TBCD: variants seen among roughly 807,000 people sequenced by gnomAD.
TBCD encodes the protein tubulin-specific chaperone D.
In TBCD, 105 loss-of-function variants were observed where a neutral mutation model predicts 169.3. That is an observed-to-expected ratio of 0.62 (90% CI 0.53 to 0.73). The LOEUF is 0.73. Among genes scored for constraint, TBCD ranks in the 30% least tolerant of loss-of-function variants. TBCD has a pLI of 0.00. For synonymous variants in TBCD, 700 were observed against 643.9 expected (o/e 1.09, Z -1.32); for missense variants, 1,444 against 1,600.1 (o/e 0.90, Z 1.66).
chr17:82,879,156 C>T (rs2058183699), intron 14 of TBCD, among the ~76,000 whole-genome samples: 1 of 149,566 alleles, frequency 6.7e-6, no homozygotes, highest in African/African-American at 2.5e-5. Context: ...CCTGCCCCAG[C>T]CCTAGCATCC....
chr17:82,807,791 A>G (rs1457220207), intron 11 of TBCD, 123 bp downstream of exon 11: 4 of 644,932 alleles, frequency 6.2e-6, no homozygotes, highest in African/African-American at 1.9e-5. Context: ...GCCCCCTCCA[A>G]CTTATGTGTG....
intron 14 of TBCD, chr17:82,876,878 AGGGAGCC>A: frequency 5.6e-6 from 4 of 708,678 alleles, no homozygotes; most frequent in Non-Finnish European, 6.9e-6. Context: ...CTGCCGGGAG[AGGGAGCC>A]GGGAGTGCCT....
At position 82,789,442 on chromosome 17, in the gene TBCD, AC is replaced by A. The variant is rs1268320673; in HGVS notation, c.771+7723del. On this transcript the variant is annotated intron_variant, in intron 7 of 38. Transcript: ENST00000355528. This position sits in a 1 kb window ranked among gnomAD's most constrained non-coding sequence, Gnocchi z 4.8. ...AGACGGGGAGGGGGCTTGGCGGGTC[AC>A]CAGCCTCACCCCGCTCAGTTCTTAG... is the stretch of plus-strand genomic sequence containing the variant. Among the ~76,000 whole-genome samples, 2 of 152,178 alleles carry A rather than the reference AC, an allele frequency of 1.3e-5. No homozygotes were observed. The highest frequency in any genetic ancestry group is 4.8e-5 in the African/African-American group (2 of 41,442).
intron 13 of TBCD, among the ~76,000 whole-genome samples, chr17:82,819,796 C>T (rs2052252385): frequency 6.6e-6 from 1 of 152,114 alleles, no homozygotes; most frequent in Non-Finnish European, 1.5e-5. Context: ...CTTGAGTGGT[C>T]CTGGCGTAGG....
chr17:82,822,395 C>T (rs1195783773), intron 13 of TBCD, among the ~76,000 whole-genome samples: 1 of 152,178 alleles, frequency 6.6e-6, no homozygotes, highest in African/African-American at 2.4e-5. Flanking sequence ...TTGGGGAAGA[C>T]CTCCTGGGGC....
chr17:82,803,588 AC>A (rs1409261455), intron 9 of TBCD, among the ~76,000 whole-genome samples: 1 of 152,114 alleles, frequency 6.6e-6, no homozygotes, highest in Non-Finnish European at 1.5e-5. Flanking sequence ...TTTCCTTGGT[AC>A]GGTGTAGAAA....
intron 5 of TBCD, 81 bp from the exon 6 acceptor site, chr17:82,772,371 G>A (rs1163397217): frequency 5.6e-6 from 8 of 1,434,374 alleles, no homozygotes; most frequent in Non-Finnish European, 7.9e-6. Flanking sequence ...AGCTGGTGAG[G>A]GTGGGACTGG....
chr17:82,760,423 G>A (rs2047692557), intron 2 of TBCD, among the ~76,000 whole-genome samples: 1 of 152,150 alleles, frequency 6.6e-6, no homozygotes, highest in Admixed American at 6.5e-5. Flanking sequence ...CTCAGTGAAG[G>A]TTGGTGATTT....
chr17:82,930,898 T>C lies in TBCD; in HGVS notation c.3113+255T>C, dbSNP rs2062145158. On this transcript the variant is annotated intron_variant, in intron 33 of 38. Transcript: ENST00000355528. This position sits in a 1 kb window ranked among gnomAD's most constrained non-coding sequence, Gnocchi z 5.2. ...AGGGAAATGACCGTTGTGTGTACAA[T>C]GGACGTAAAGGTAGTATGAGTACAA... 6.6e-6 allele frequency among the ~76,000 whole-genome samples: 1 copy of C among 152,178 alleles called. No individual in the cohort carries two copies. The highest frequency in any genetic ancestry group is 1.5e-5 in the Non-Finnish European group (1 of 68,020).
intron 17 of TBCD, among the ~76,000 whole-genome samples, chr17:82,898,697 G>A (rs1326039075): frequency 1.3e-5 from 2 of 152,002 alleles, no homozygotes; most frequent in East Asian, 1.9e-4. Flanking sequence ...GACTTTGTTC[G>A]GCATATGTGT....
rs142576643 is a variant in TBCD at position 82,831,390 on chromosome 17, C to G, written c.1318+16456C>G. On this transcript the variant is annotated intron_variant, in intron 13 of 38. Transcript: ENST00000355528. This position sits in a 1 kb window ranked among gnomAD's most constrained non-coding sequence, Gnocchi z 4.6. The stretch of plus-strand genomic sequence containing the variant: ...TGGAAGGACTCGAGGCTGGATAGAC[C>G]AGGGTGGCTTCTTCAAGCAGGTGAG... 259 of 1,613,966 alleles carry G rather than the reference C, an allele frequency of 1.6e-4. No individual in the cohort carries two copies. Among genetic ancestry groups the G allele is most frequent in the Non-Finnish European group, 2.0e-4 (235 of 1,180,010 alleles).
At chr17:82,855,856 T>C (rs1347549478) in intron 13 of TBCD, among the ~76,000 whole-genome samples, 1 of 152,204 alleles carries the variant, frequency 6.6e-6, no homozygotes, top group Non-Finnish European at 1.5e-5. Flanking sequence ...GTTTACTTAT[T>C]CTGAGAATTT....
Position 82,890,923 on chromosome 17 carries a change from C to T in TBCD, c.1563+1226C>T, listed in dbSNP as rs1263255011. Among the ~76,000 whole-genome samples, 1 of 152,156 alleles carries T rather than the reference C, an allele frequency of 6.6e-6. No individual in the cohort carries two copies. Among genetic ancestry groups the T allele is most frequent in the Admixed American group, 6.5e-5 (1 of 15,278 alleles). On this transcript the variant is annotated intron_variant, in intron 16 of 38. Transcript: ENST00000355528. This position sits in a 1 kb window ranked among gnomAD's most constrained non-coding sequence, Gnocchi z 5.3. ...TGAGGAAGAAGGAGCTTGTTGGAAACCACTTAGCTGAGCCTAGGGACTTGC... is the reference window on the plus strand; with the variant it reads ...TGAGGAAGAAGGAGCTTGTTGGAAATCACTTAGCTGAGCCTAGGGACTTGC...
At chr17:82,865,491 G>A (rs1458078017) in intron 13 of TBCD, 4 of 985,342 alleles carry the variant, frequency 4.1e-6, no homozygotes, top group East Asian at 1.1e-4. Flanking sequence ...AGGTGCCCAC[G>A]TTTCCACGCC....
Position 82,832,923 on chromosome 17 carries a change from C to T in TBCD, c.1318+17989C>T, listed in dbSNP as rs538577204. Among the ~76,000 whole-genome samples, 8 of 152,182 alleles carry T rather than the reference C, an allele frequency of 5.3e-5. No homozygotes were observed. Among genetic ancestry groups the T allele is most frequent in the Non-Finnish European group, 1.2e-4 (8 of 68,034 alleles). On this transcript the variant is annotated intron_variant, in intron 13 of 38. Transcript: ENST00000355528. This position sits in a 1 kb window ranked among gnomAD's most constrained non-coding sequence, Gnocchi z 4.9. ...GTGTGTGGTGCGTTGAGTGTCTGTT[C>T]TGAGAATGCCTGTAAGCCTTTGAGT...
chr17:82,888,287 G>A (rs1280735986), intron 15 of TBCD, among the ~76,000 whole-genome samples: 1 of 152,222 alleles, frequency 6.6e-6, no homozygotes, highest in Non-Finnish European at 1.5e-5. Flanking sequence ...GCTGTGCATA[G>A]TCAGCCTTCG....
Position 82,829,174 on chromosome 17 carries a change from C to T in TBCD, c.1318+14240C>T, listed in dbSNP as rs575447190. On this transcript the variant is annotated intron_variant, in intron 13 of 38. Transcript: ENST00000355528. ...GCACACACCCGCAGAGATGCACAAGCGCATACCCACACCCGCAGACGTGCA... is the reference window on the plus strand; with the variant it reads ...GCACACACCCGCAGAGATGCACAAGTGCATACCCACACCCGCAGACGTGCA... Among the ~76,000 whole-genome samples the T allele has an allele frequency of 5.9e-5, 9 of 151,364 alleles. No individual in the cohort carries two copies. The South Asian group carries it at 8.4e-4, about 14-fold the overall frequency.
intron 23 of TBCD, among the ~76,000 whole-genome samples, chr17:82,919,409 G>A (rs1317808201): frequency 6.6e-6 from 1 of 152,080 alleles, no homozygotes; most frequent in Non-Finnish European, 1.5e-5. Context: ...AGGTTGGTAG[G>A]GAAAACGGAG....
chr17:82,939,179 G>C, intron 36 of TBCD, 188 bp from the exon 37 acceptor site: 1 of 620,738 alleles, frequency 1.6e-6, no homozygotes. Context: ...GGAGGGAGGA[G>C]GTGGTTAATG....
Sources: gnomAD v4.1 joint callset for allele counts (sites outside exome capture counted in the v4.1 genomes callset) on GRCh38, gnomAD v4.1.1 for gene constraint, Gnocchi (gnomAD v3.1) non-coding constraint, MANE v1.5 for transcripts, NCBI Gene and HGNC (gene_info 2026-07-23, HGNC 2026-07-21) for gene names.